The following FARP1 variants were observed in gnomAD, a reference collection of about 807,000 sequenced individuals.
FARP1 encodes FERM, ARH/RhoGEF and pleckstrin domain protein 1.
Under a neutral mutation model 128.8 loss-of-function variants are expected in FARP1, and 52 were observed. That is an observed-to-expected ratio of 0.40 (90% confidence interval 0.32 to 0.51). FARP1 has a LOEUF of 0.51. Among genes scored for constraint, FARP1 ranks in the 20% least tolerant of loss-of-function variants. The pLI is 0.45. For missense variants in FARP1, 1,333 were observed against 1,367.9 expected, an observed-to-expected ratio of 0.97 and a Z score of 0.40; for synonymous variants, 580 against 551.8, an observed-to-expected ratio of 1.05 and a Z score of -0.72.
At chr13:98,351,622 A>G (rs1265048991) in intron 3 of FARP1, among the ~76,000 whole-genome samples, 7 of 152,048 alleles carry the variant, frequency 4.6e-5, no homozygotes, top group Non-Finnish European at 1.0e-4. Context: ...AAAAAAAAAA[A>G]AAAAGAAAGA....
chr13:98,350,680 T>C (rs1409932405), intron 3 of FARP1, among the ~76,000 whole-genome samples: 1 of 152,162 alleles, frequency 6.6e-6, no homozygotes, highest in African/African-American at 2.4e-5. Flanking sequence ...TGGCAACCCC[T>C]GATCTTTTCC....
chr13:98,350,676 C>T (rs1176856343), intron 3 of FARP1, among the ~76,000 whole-genome samples: 1 of 152,184 alleles, frequency 6.6e-6, no homozygotes, highest in Non-Finnish European at 1.5e-5. Context: ...CACCTGGCAA[C>T]CCCTGATCTT....
rs1443433510 is a variant in FARP1, at chr13:98,317,993, CTCA to C, written c.172-25766_172-25764del. ...CTTCCTTCCTCTCTCCTTCCTCTTC[CTCA>C]TCCTCCTCCTCCCTCTTCATCTCCT... is the stretch of plus-strand genomic sequence containing the variant. On this transcript the variant is annotated intron_variant, in intron 2 of 26. Coordinates refer to ENST00000319562, the MANE Select transcript of FARP1 (RefSeq NM_005766.4). Among the ~76,000 whole-genome samples, 18 of 149,602 alleles carry C rather than the reference CTCA, an allele frequency of 1.2e-4. 1 individual carries two copies. Among genetic ancestry groups the C allele is most frequent in the African/African-American group, 3.9e-4 (16 of 40,544 alleles).
At chr13:98,395,009 C>T (rs973300018) in intron 12 of FARP1, among the ~76,000 whole-genome samples, 1 of 152,136 alleles carries the variant, frequency 6.6e-6, no homozygotes, top group African/African-American at 2.4e-5. Flanking sequence ...CTTGTGCTGC[C>T]GGGAACAGTG....
chr13:98,396,618 G>T, intron 13 of FARP1: 1 of 397,984 alleles, frequency 2.5e-6, no homozygotes, highest in Non-Finnish European at 4.4e-6. Context: ...TTTTGGACAG[G>T]CACATGTTTG....
At chr13:98,427,496 T>C in intron 17 of FARP1, among the ~76,000 whole-genome samples, 1 of 152,222 alleles carries the variant, frequency 6.6e-6, no homozygotes, top group Non-Finnish European at 1.5e-5. Context: ...GCTTGGACTC[T>C]GGTGTGGGCC....
chr13:98,363,605 C>G (rs1296732901), intron 3 of FARP1, among the ~76,000 whole-genome samples: 1 of 152,186 alleles, frequency 6.6e-6, no homozygotes, highest in Non-Finnish European at 1.5e-5. Flanking sequence ...CAGGCAACTC[C>G]AGACCGCTCC....
intron 2 of FARP1, among the ~76,000 whole-genome samples, chr13:98,271,870 A>G (rs1214192283): frequency 6.6e-6 from 1 of 152,062 alleles, no homozygotes; most frequent in Non-Finnish European, 1.5e-5. Flanking sequence ...AATCTTTGCT[A>G]TTGTAAATAG....
intron 2 of FARP1, among the ~76,000 whole-genome samples, chr13:98,339,864 C>G (rs1465268024): frequency 2.0e-5 from 3 of 152,188 alleles, no homozygotes; most frequent in Non-Finnish European, 4.4e-5. Context: ...CATCGTTTCA[C>G]TTGTCTCTGA....
intron 24 of FARP1, among the ~76,000 whole-genome samples, chr13:98,442,113 C>T (rs71437964): frequency 0.25 from 37,802 of 152,182 alleles, 4,988 homozygotes; most frequent in Middle Eastern, 0.34. Flanking sequence ...CACGTTTCAC[C>T]GCAGAATCTC....
rs139162516 is a variant in FARP1, at chr13:98,166,220, A to C, written c.-24+22728A>C. Among the ~76,000 whole-genome samples the C allele has an allele frequency of 2.8e-4, 43 of 152,256 alleles. No homozygotes were observed. In the East Asian group the frequency reaches 8.1e-3, roughly 29 times the overall value. On this transcript the variant is annotated intron_variant, in intron 1 of 26. Transcript: ENST00000319562. The stretch of plus-strand genomic sequence containing the variant: ...AAATTTTCCCTGTCAATAGACATCT[A>C]GGTTGTTCTGAATATTTTGCTGGTC...
intron 1 of FARP1, among the ~76,000 whole-genome samples, chr13:98,181,903 T>C (rs1203404139): frequency 6.6e-6 from 1 of 152,082 alleles, no homozygotes. Flanking sequence ...TAGACTTGAA[T>C]TAAAGCAAAG....
intron 25 of FARP1, 28 bp from the exon 26 acceptor site, chr13:98,446,638 G>T (rs1325083147): frequency 1.2e-6 from 2 of 1,611,752 alleles, no homozygotes. Context: ...ACCCCGAAAA[G>T]CCACTTTGCT....
chr13:98,419,483 TACACACAC>T (rs57751374), intron 16 of FARP1, among the ~76,000 whole-genome samples: 13 of 140,044 alleles, frequency 9.3e-5, no homozygotes, highest in East Asian at 6.5e-4. Context: ...CAAAAAAAAA[TACACACAC>T]ACACACACAC....
At chr13:98,411,797 C>T (rs746672318) in intron 15 of FARP1, 104 bp from the exon 16 acceptor site, 1 of 1,279,248 alleles carries the variant, frequency 7.8e-7, no homozygotes, top group Non-Finnish European at 1.1e-6. Flanking sequence ...CAGGAAAGCC[C>T]TGGCTCCTCC....
chr13:98,217,492 G>T (rs1379413312), intron 2 of FARP1, among the ~76,000 whole-genome samples: 1 of 152,216 alleles, frequency 6.6e-6, no homozygotes, highest in Non-Finnish European at 1.5e-5. Context: ...ACTTTCTCGT[G>T]TTGCTGTCTT....
At chr13:98,422,013 C>T (rs1422526913) in intron 16 of FARP1, among the ~76,000 whole-genome samples, 1 of 152,052 alleles carries the variant, frequency 6.6e-6, no homozygotes, top group Non-Finnish European at 1.5e-5. Context: ...CTGGGTCAGC[C>T]GTGGTTTGGC....
chr13:98,388,088 T>C (rs1890167161), intron 8 of FARP1, among the ~76,000 whole-genome samples: 1 of 152,136 alleles, frequency 6.6e-6, no homozygotes, highest in Non-Finnish European at 1.5e-5. Flanking sequence ...ATTGTGGTGG[T>C]TGTCATGGTT....
chr13:98,175,201 G>A (rs1230765071), intron 1 of FARP1, among the ~76,000 whole-genome samples: 1 of 152,142 alleles, frequency 6.6e-6, no homozygotes, highest in Non-Finnish European at 1.5e-5. Flanking sequence ...TATGAGATAG[G>A]CTCTTATGAA....
Sources: gnomAD v4.1 joint callset for allele counts (sites outside exome capture counted in the v4.1 genomes callset) on GRCh38, gnomAD v4.1.1 for gene constraint, MANE v1.5 for transcripts, NCBI Gene and HGNC (gene_info 2026-07-23, HGNC 2026-07-21) for gene names.